TMC3: variants seen among roughly 807,000 people sequenced by gnomAD.
TMC3 encodes transmembrane channel like 3, also known as transmembrane channel-like protein 3.
Under a neutral mutation model 110.6 loss-of-function variants are expected in TMC3, and 98 were observed. That is an observed-to-expected ratio of 0.89 (90% CI 0.75 to 1.05). TMC3 has a LOEUF of 1.05. Ranked by LOEUF, TMC3 falls within the 50% of genes least tolerant of loss-of-function variation. The probability of loss-of-function intolerance (pLI) is 0.00; values close to 1 mark genes in which losing one functional copy is unlikely to be tolerated. For synonymous variants in TMC3, 489 were observed against 513.1 expected (o/e 0.95, Z 0.63); for missense variants, 1,319 against 1,373.2 (o/e 0.96, Z 0.62).
chr15:81,373,957 C>G, intron 1 of TMC3, 32 bp downstream of exon 1: 1 of 1,603,422 alleles, frequency 6.2e-7, no homozygotes. Context: ...CACCTGACTC[C>G]TCTGCCCAGC....
chr15:81,357,670 C>A (rs1894094929), intron 7 of TMC3, among the ~76,000 whole-genome samples: 1 of 152,198 alleles, frequency 6.6e-6, no homozygotes, highest in African/African-American at 2.4e-5. Flanking sequence ...ACAGCACAGA[C>A]AAGCCTGGCC....
chr15:81,372,187 G>C (rs1894448118), intron 2 of TMC3, among the ~76,000 whole-genome samples: 1 of 151,454 alleles, frequency 6.6e-6, no homozygotes, highest in Admixed American at 6.6e-5. Flanking sequence ...TTTCATATTG[G>C]CTTACTGCTC....
chr15:81,359,731 C>T (rs1894147556), intron 4 of TMC3, among the ~76,000 whole-genome samples: 1 of 152,182 alleles, frequency 6.6e-6, no homozygotes, highest in Non-Finnish European at 1.5e-5. Flanking sequence ...TAATGACTTA[C>T]TTATCTAAAA....
intron 15 of TMC3, chr15:81,341,726 T>C: frequency 2.7e-6 from 1 of 372,432 alleles, no homozygotes; most frequent in South Asian, 5.2e-5. Context: ...TTGATCCTAT[T>C]TTAAAATATT....
intron 9 of TMC3, among the ~76,000 whole-genome samples, chr15:81,353,168 A>AAAAT (rs1197790674): frequency 6.6e-6 from 1 of 150,514 alleles, no homozygotes; most frequent in East Asian, 1.9e-4. Context: ...AAAAAAATTA[A>AAAAT]AAATAAAGCT....
intron 12 of TMC3, 132 bp downstream of exon 12, chr15:81,346,233 G>T: frequency 2.4e-6 from 2 of 841,744 alleles, no homozygotes; most frequent in Non-Finnish European, 3.9e-6. Flanking sequence ...CTCCAGCAAA[G>T]TCAAGTTTTG....
At chr15:81,338,928 G>A (rs1293253123) in intron 17 of TMC3, 148 bp from the exon 18 acceptor site, 8 of 856,374 alleles carry the variant, frequency 9.3e-6, no homozygotes, top group South Asian at 8.1e-5. Flanking sequence ...GATGGAAGAT[G>A]GGGTCATTAA....
chr15:81,351,588 G>A, intron 10 of TMC3, 106 bp downstream of exon 10: 1 of 1,404,918 alleles, frequency 7.1e-7, no homozygotes, highest in East Asian at 2.6e-5. Context: ...CTGACCTCAA[G>A]TGATCCACCT....
rs1369350774 is a variant in TMC3 at position 81,343,971 on chromosome 15, TC to T, written c.1592del (p.Gly531AspfsTer7). ...ASILLIDFFR[G>X]LFVRYLSDYW... ...AGTCACTTAAGTACCGCACGAAAAG[TC>T]CTCGGAAGAAGTCTATGAGCAGAAT... On this transcript the variant is annotated frameshift_variant, in exon 14 of 22. Coordinates refer to ENST00000359440, the MANE Select transcript of TMC3 (RefSeq NM_001080532.3). LOFTEE classifies it high-confidence loss of function. 6.2e-7 allele frequency: 1 copy of T among 1,613,346 alleles called. No individual in the cohort carries two copies. The highest frequency in any genetic ancestry group is 1.3e-5 in the African/African-American group (1 of 75,030).
chr15:81,348,245 G>A (rs1893867265), intron 11 of TMC3, among the ~76,000 whole-genome samples: 1 of 152,212 alleles, frequency 6.6e-6, no homozygotes, highest in Non-Finnish European at 1.5e-5. Flanking sequence ...TCCCAAAGTG[G>A]TCTGTGGAAA....
At chr15:81,336,547 G>A (rs571714231) in intron 20 of TMC3, 62 bp downstream of exon 20, 115 of 1,542,640 alleles carry the variant, frequency 7.5e-5, no homozygotes, top group Admixed American at 1.2e-4. Context: ...CAGCCTGGGC[G>A]ACAGAGCAAG....
At position 81,368,246 on chromosome 15, in the gene TMC3, G is replaced by T; in HGVS notation, c.312+7C>A. On this transcript the variant is annotated splice_region_variant and intron_variant, in intron 3 of 21. Coordinates refer to ENST00000359440, the MANE Select transcript of TMC3 (RefSeq NM_001080532.3). Reference sequence around the variant, plus strand: ...CCGCGCCCAGCCACATGTGTGTTCTGTATTACCTCTGCACCTGCTGCTTGG... The same window carrying T: ...CCGCGCCCAGCCACATGTGTGTTCTTTATTACCTCTGCACCTGCTGCTTGG... 6.2e-7 allele frequency: 1 copy of T among 1,611,962 alleles called. No homozygotes were observed. Among genetic ancestry groups the T allele is most frequent in the Non-Finnish European group, 8.5e-7 (1 of 1,178,288 alleles).
chr15:81,364,705 A>AAT (rs2141422233), intron 3 of TMC3, among the ~76,000 whole-genome samples: 1 of 127,382 alleles, frequency 7.9e-6, no homozygotes, highest in African/African-American at 3.2e-5. Flanking sequence ...TATTCCAAAA[A>AAT]AAAAAAAATA....
intron 10 of TMC3, 69 bp from the exon 11 acceptor site, chr15:81,349,636 T>A: frequency 1.1e-6 from 1 of 923,706 alleles, no homozygotes; most frequent in East Asian, 3.3e-5. Context: ...CATGTGCATT[T>A]GATCTCTTTC....
At chr15:81,345,129 T>C in intron 12 of TMC3, 118 bp from the exon 13 acceptor site, 1 of 1,441,386 alleles carries the variant, frequency 6.9e-7, no homozygotes, top group Non-Finnish European at 9.2e-7. Flanking sequence ...TGCTTGGGAG[T>C]AATCATTCAT....
rs1894497937 is a variant in TMC3, at chr15:81,374,135, G to A, written c.-58C>T. On this transcript the variant is annotated 5_prime_UTR_variant, in exon 1 of 22. Coordinates refer to ENST00000359440, the MANE Select transcript of TMC3 (RefSeq NM_001080532.3). ...GGCCAGAGAGCTAGGAAGTTGGCAG[G>A]CAAAGGTCTGTTCCGAGGTTTCTGA... 4.0e-6 allele frequency: 6 copies of A among 1,499,018 alleles called. No homozygotes were observed. The highest frequency in any genetic ancestry group is 2.8e-5 in the African/African-American group (2 of 72,722). The allele number at this position is 1,499,018 out of a possible 1,614,324, so 92.9% of individuals were successfully genotyped here.
intron 11 of TMC3, among the ~76,000 whole-genome samples, chr15:81,348,532 G>A (rs551985884): frequency 6.6e-6 from 1 of 152,320 alleles, no homozygotes; most frequent in African/African-American, 2.4e-5. Context: ...GGTGTCTCAG[G>A]ACGTCCCCTC....
intron 21 of TMC3, among the ~76,000 whole-genome samples, chr15:81,334,013 CT>C (rs1211027781): frequency 6.6e-6 from 1 of 151,716 alleles, no homozygotes; most frequent in Non-Finnish European, 1.5e-5. Flanking sequence ...AAAGTTCTTC[CT>C]GATAAAGACT....
In TMC3 at chr15:81,343,976, G is replaced by T. The variant is rs375168119; in HGVS notation, c.1588C>A (p.Arg530=). The T allele has an allele frequency of 6.2e-7, 1 of 1,613,258 alleles. No homozygotes were observed. Among genetic ancestry groups the T allele is most frequent in the African/African-American group, 1.3e-5 (1 of 75,048 alleles). The part of the protein sequence containing the change: ...VASILLIDFF[R]GLFVRYLSDY... Reference sequence around the variant, plus strand: ...CTTAAGTACCGCACGAAAAGTCCTCGGAAGAAGTCTATGAGCAGAATGCTC... The same window carrying T: ...CTTAAGTACCGCACGAAAAGTCCTCTGAAGAAGTCTATGAGCAGAATGCTC... Residue 530 remains arginine, a synonymous_variant, in exon 14 of 22, where the codon CGA becomes AGA. Transcript: ENST00000359440.
Sources: allele counts gnomAD v4.1 joint callset (sites outside exome capture counted in the v4.1 genomes callset), GRCh38; gene constraint gnomAD v4.1.1; transcripts MANE v1.5; gene names NCBI Gene and HGNC (gene_info 2026-07-23, HGNC 2026-07-21).